The following MEDAG variants were observed in gnomAD, a reference collection of about 807,000 sequenced individuals.
MEDAG encodes the protein mesenteric estrogen-dependent adipogenesis protein.
In MEDAG, 25 loss-of-function variants were observed where a neutral mutation model predicts 29.9. The ratio of observed to expected loss-of-function variants is 0.84; its 90% CI spans 0.61 to 1.17. The LOEUF (loss-of-function observed/expected upper bound fraction) is 1.17. MEDAG is among the 50% of genes most tolerant of loss of function. The pLI is 0.00. For synonymous variants in MEDAG, 158 were observed against 148.2 expected, an observed-to-expected ratio of 1.07 and a Z score of -0.48; for missense variants, 398 against 372.9, an observed-to-expected ratio of 1.07 and a Z score of -0.56.
At chr13:30,921,477 G>A (rs1952984278) in intron 3 of MEDAG, 84 bp from the exon 4 acceptor site, 1 of 1,235,816 alleles carries the variant, frequency 8.1e-7, no homozygotes. Flanking sequence ...GTGATGTTTT[G>A]GATATTTAGG....
At chr13:30,920,788 C>G (rs1282122154) in intron 2 of MEDAG, among the ~76,000 whole-genome samples, 1 of 152,122 alleles carries the variant, frequency 6.6e-6, no homozygotes, top group East Asian at 1.9e-4. Flanking sequence ...ATTATCTAGC[C>G]TGCCTTTACA....
In MEDAG at chr13:30,921,490, G is replaced by GA. The variant is rs2138127902; in HGVS notation, c.502-71_502-70insA. On this transcript the variant is annotated intron_variant, in intron 3 of 4. Coordinates refer to ENST00000380482, the MANE Select transcript of MEDAG (RefSeq NM_032849.4). ...GTGTGATGTTTTGGATATTTAGGCG[G>GA]TTGTTAGTTCTACAATGTCAACAGG... 46 of 1,394,024 alleles carry GA rather than the reference G, an allele frequency of 3.3e-5. No individual in the cohort carries two copies. The South Asian group carries it at 6.2e-4, about 19-fold the overall frequency. 86.4% of individuals were successfully genotyped at this position (1,394,024 alleles called of 1,614,324 possible). A position where few individuals can be genotyped will look rare whatever the true frequency, so the allele number is the denominator to read the frequency against.
At chr13:30,921,398 A>G (rs1038816318) in intron 3 of MEDAG, among the ~76,000 whole-genome samples, 163 bp from the exon 4 acceptor site, 1 of 152,248 alleles carries the variant, frequency 6.6e-6, no homozygotes, top group Non-Finnish European at 1.5e-5. Flanking sequence ...TGCAAATGCA[A>G]AGTTTTGTTA....
intron 1 of MEDAG, among the ~76,000 whole-genome samples, chr13:30,909,927 C>A (rs1472241653): frequency 6.6e-6 from 1 of 152,088 alleles, no homozygotes; most frequent in African/African-American, 2.4e-5. Context: ...TACTAAGTAA[C>A]CTAAAGAAAT....
Position 30,906,286 on chromosome 13 carries a change from T to C in MEDAG, c.-230T>C, listed in dbSNP as rs35653334. 44,954 of 396,508 alleles carry C rather than the reference T, an allele frequency of 0.11. 3,161 individuals are homozygous for C. The highest frequency in any genetic ancestry group is 0.13 in the Non-Finnish European group (30,506 of 226,926). The allele number at this position is 396,508 out of a possible 1,614,324, so 24.6% of individuals were successfully genotyped here. On this transcript the variant is annotated 5_prime_UTR_variant, in exon 1 of 5. Transcript: ENST00000380482. ...CGCCGGGGCCGCTTTCTCCGCGCGG[T>C]GCCTGCAGGGCTCCCAGCGAGTGGC...
intron 2 of MEDAG, among the ~76,000 whole-genome samples, chr13:30,919,336 G>A (rs139199406): frequency 1.3e-5 from 2 of 152,180 alleles, no homozygotes; most frequent in Admixed American, 6.5e-5. Flanking sequence ...TCCTCAAGAC[G>A]ATTACTAATG....
At chr13:30,921,157 T>G in intron 3 of MEDAG, 31 bp downstream of exon 3, 1 of 1,567,068 alleles carries the variant, frequency 6.4e-7, no homozygotes, top group East Asian at 2.2e-5. Flanking sequence ...TCCAGGGCTG[T>G]CAACCACATG....
At chr13:30,917,916 G>A (rs759810620) in intron 2 of MEDAG, among the ~76,000 whole-genome samples, 2 of 152,136 alleles carry the variant, frequency 1.3e-5, no homozygotes, top group Admixed American at 1.3e-4. Flanking sequence ...TATATAAATA[G>A]TTTTGGTTTG....
In MEDAG at chr13:30,906,605, C is replaced by A. The variant is rs761869378; in HGVS notation, c.90C>A (p.Cys30Ter). ...TTCGCAGCCTGTGGACCTGCGACTGCGAGCTGGCCCTGCTGCCGCTGGCTC... is the reference window on the plus strand; with the variant it reads ...TTCGCAGCCTGTGGACCTGCGACTGAGAGCTGGCCCTGCTGCCGCTGGCTC... ...GELRSLWTCDCELALLPLAQL... is the reference protein window; with the variant it reads ...GELRSLWTCD Residue 30 changes from cysteine (C) to a stop codon, truncating the protein, a stop_gained, in exon 1 of 5, where the codon TGC (cysteine) becomes TGA (stop). Transcript: ENST00000380482. LOFTEE classifies it high-confidence loss of function. The A allele has an allele frequency of 3.8e-6, 6 of 1,585,994 alleles. No homozygotes were observed. The highest frequency in any genetic ancestry group is 5.1e-6 in the Non-Finnish European group (6 of 1,175,004).
chr13:30,923,844 T>G (rs1045058093), intron 4 of MEDAG, among the ~76,000 whole-genome samples: 1 of 152,202 alleles, frequency 6.6e-6, no homozygotes, highest in Non-Finnish European at 1.5e-5. Flanking sequence ...CTGGGGCCAC[T>G]TCAACTTCAG....
chr13:30,921,639 T>C lies in MEDAG; in HGVS notation c.580T>C (p.Tyr194His). The part of the protein sequence containing the change: ...VVNGENLSFA[Y>H]EFKADALFDF... ...TAATGGAGAAAATTTAAGCTTTGCA[T>C]ATGAATTCAAAGCTGATGCATTATT... The change falls in exon 4 of 5, where the codon TAT (tyrosine) becomes CAT (histidine). Residue 194 changes from tyrosine (Y) to histidine (H), a missense_variant. Coordinates refer to ENST00000380482, the MANE Select transcript of MEDAG (RefSeq NM_032849.4). The C allele has an allele frequency of 6.2e-7, 1 of 1,613,900 alleles. No individual in the cohort carries two copies. The highest frequency in any genetic ancestry group is 1.1e-5 in the South Asian group (1 of 90,952).
chr13:30,919,356 A>C (rs1792061933), intron 2 of MEDAG, among the ~76,000 whole-genome samples: 1 of 152,192 alleles, frequency 6.6e-6, no homozygotes, highest in Non-Finnish European at 1.5e-5. Flanking sequence ...GCTTCCCACA[A>C]GTTTGTCATA....
chr13:30,921,688 T>C lies in MEDAG; in HGVS notation c.629T>C (p.Leu210Pro). The C allele has an allele frequency of 6.2e-7, 1 of 1,614,114 alleles. No homozygotes were observed. The highest frequency in any genetic ancestry group is 8.5e-7 in the Non-Finnish European group (1 of 1,180,006). The change falls in exon 4 of 5, where the codon CTC becomes CCC. Residue 210 changes from leucine to proline, a missense_variant. Leu to Pro is a moderately conservative substitution (Grantham distance 98). Transcript: ENST00000380482. ...TTTGATTTCTTCTATTGGTTTGGGC[T>C]CAGTAATTCCGTTGTAAAAGTAAAT... ...ALFDFFYWFG[L>P]SNSVVKVNGK...
Position 30,924,958 on chromosome 13 carries a change from T to A in MEDAG, c.*523T>A, listed in dbSNP as rs146945695. ...TGGCTGGGCAAAAGCCTGTGCCATCTTTCACTGGGAGGCAAATATGTTTTT... is the reference window on the plus strand; with the variant it reads ...TGGCTGGGCAAAAGCCTGTGCCATCATTCACTGGGAGGCAAATATGTTTTT... On this transcript the variant is annotated 3_prime_UTR_variant, in exon 5 of 5. Transcript: ENST00000380482. The A allele has an allele frequency of 2.0e-5, 3 of 152,392 alleles. No individual in the cohort carries two copies. Among genetic ancestry groups the A allele is most frequent in the African/African-American group, 7.2e-5 (3 of 41,564 alleles). The allele number at this position is 152,392 out of a possible 1,614,324, so 9.4% of individuals were successfully genotyped here.
intron 1 of MEDAG, among the ~76,000 whole-genome samples, chr13:30,914,795 C>T (rs961249166): frequency 2.0e-5 from 3 of 152,172 alleles, no homozygotes; most frequent in Non-Finnish European, 4.4e-5. Context: ...ATTTTGTACG[C>T]AGAGGGACAT....
rs773196246 is a variant in MEDAG, at chr13:30,906,693, C to G, written c.178C>G (p.Pro60Ala). Residue 60 changes from proline (P) to alanine (A), a missense_variant, in exon 1 of 5, where the codon CCC becomes GCC. Physicochemically the swap from Pro to Ala is conservative, Grantham distance 27. Coordinates refer to ENST00000380482, the MANE Select transcript of MEDAG (RefSeq NM_032849.4). ...CGGCGACCAGCTCGTGGTGGCCAGG[C>G]CCGGGGAGCCGGCGGCGGCGCGGGG... ...LSGDQLVVARPGEPAAARGGF... is the reference protein window; with the variant it reads ...LSGDQLVVARAGEPAAARGGF... 9 of 1,528,420 alleles carry G rather than the reference C, an allele frequency of 5.9e-6. No individual in the cohort carries two copies. Among genetic ancestry groups the G allele is most frequent in the Middle Eastern group, 1.9e-4 (1 of 5,306 alleles). 94.7% of individuals were successfully genotyped at this position (1,528,420 alleles called of 1,614,324 possible).
intron 1 of MEDAG, among the ~76,000 whole-genome samples, chr13:30,913,386 T>A (rs921786630): frequency 6.6e-6 from 1 of 152,112 alleles, no homozygotes; most frequent in Non-Finnish European, 1.5e-5. Context: ...TGGCTAATTT[T>A]AAAAATTTGT....
chr13:30,909,454 A>T (rs2138114846), intron 1 of MEDAG, among the ~76,000 whole-genome samples: 1 of 152,190 alleles, frequency 6.6e-6, no homozygotes, highest in South Asian at 2.1e-4. Context: ...CTGGCCTTGG[A>T]TGTGGGATGG....
At chr13:30,914,308 T>C (rs1307758817) in intron 1 of MEDAG, among the ~76,000 whole-genome samples, 2 of 152,208 alleles carry the variant, frequency 1.3e-5, no homozygotes, top group Non-Finnish European at 2.9e-5. Flanking sequence ...TTCTTATCTG[T>C]GGCCTGGTTA....
Sources: allele counts gnomAD v4.1 joint callset (sites outside exome capture counted in the v4.1 genomes callset), GRCh38; gene constraint gnomAD v4.1.1; transcripts MANE v1.5; gene names NCBI Gene and HGNC (gene_info 2026-07-23, HGNC 2026-07-21).